Variants in DMD observed in about 807,000 individuals in gnomAD.
The protein encoded by DMD is mutant dystrophin.
In DMD, 63 loss-of-function variants were observed where a neutral mutation model predicts 330.1. The observed-to-expected ratio is 0.19, with a 90% CI of 0.16 to 0.24. DMD has a LOEUF of 0.24. Among genes scored for constraint, DMD ranks in the 10% least tolerant of loss-of-function variants. The pLI is 1.00. For missense variants in DMD, 3,344 were observed against 2,684.1 expected, an observed-to-expected ratio of 1.25 and a Z score of -5.43; for synonymous variants, 1,223 against 959.8, an observed-to-expected ratio of 1.27 and a Z score of -5.07.
At chrX:32,785,136 C>T (rs1253924842) in intron 7 of DMD, among the ~76,000 whole-genome samples, 1 of 108,830 alleles carries the variant, frequency 9.2e-6, no homozygotes, top group Non-Finnish European at 1.9e-5. Flanking sequence ...GTGGTCAAAT[C>T]AACCCATTGG....
chrX:32,608,293 C>T (rs189127379), intron 12 of DMD, among the ~76,000 whole-genome samples: 1 of 110,273 alleles, frequency 9.1e-6, no homozygotes, highest in East Asian at 2.8e-4. Context: ...TATTAGATGT[C>T]TTCTCAATTC....
intron 1 of DMD, among the ~76,000 whole-genome samples, chrX:33,268,602 A>G (rs1429495644): frequency 1.8e-5 from 2 of 111,979 alleles, no homozygotes; most frequent in African/African-American, 6.5e-5. Flanking sequence ...ATGAGATACC[A>G]TCTCACACCA....
chrX:31,751,050 T>C (rs999297271), intron 51 of DMD, among the ~76,000 whole-genome samples: 2 of 108,562 alleles, frequency 1.8e-5, no homozygotes, highest in African/African-American at 6.7e-5. Context: ...AGAATCAATA[T>C]CGTGTAAATG....
Position 32,065,200 on chromosome X carries a change from C to T in DMD, c.6439-96686G>A, listed in dbSNP as rs150311100. 5.3e-3 allele frequency among the ~76,000 whole-genome samples: 591 copies of T among 111,320 alleles called. 3 individuals are homozygous for T. The highest frequency in any genetic ancestry group is 8.2e-3 in the Non-Finnish European group (434 of 52,771). ...CTTGAGAAGTTGAGCTGATTGTCTA[C>T]GTAATAAATCACACCACAGGAACAT... On this transcript the variant is annotated intron_variant, in intron 44 of 78. Coordinates refer to ENST00000357033, the MANE Select transcript of DMD (RefSeq NM_004006.3).
intron 20 of DMD, among the ~76,000 whole-genome samples, chrX:32,485,510 C>T (rs2042336370): frequency 9.1e-6 from 1 of 109,960 alleles, no homozygotes; most frequent in Non-Finnish European, 1.9e-5. Flanking sequence ...TTTTCTCTTT[C>T]ATTTCTGCAA....
chrX:32,564,172 C>T (rs2051404710), intron 16 of DMD, among the ~76,000 whole-genome samples: 1 of 111,795 alleles, frequency 8.9e-6, no homozygotes, highest in African/African-American at 3.3e-5. Flanking sequence ...TTTTAATTAG[C>T]TCCTCAGGTG....
intron 2 of DMD, among the ~76,000 whole-genome samples, chrX:32,914,689 A>G: frequency 8.9e-6 from 1 of 112,741 alleles, no homozygotes; most frequent in African/African-American, 3.2e-5. Context: ...ATGGACAGTT[A>G]ACCTGATTAC....
chrX:32,728,068 G>A (rs983769791), intron 7 of DMD, among the ~76,000 whole-genome samples: 1 of 111,476 alleles, frequency 9.0e-6, no homozygotes, highest in African/African-American at 3.3e-5. Flanking sequence ...CAGTTAGGCA[G>A]GGATTGTTAC....
At chrX:32,779,549 T>G (rs1449696712) in intron 7 of DMD, among the ~76,000 whole-genome samples, 3 of 109,753 alleles carry the variant, frequency 2.7e-5, no homozygotes, top group Non-Finnish European at 5.7e-5. Context: ...GTCCATGTGT[T>G]CTCATTGTTC....
chrX:32,055,436 A>G (rs1229165399), intron 44 of DMD, among the ~76,000 whole-genome samples: 1 of 111,958 alleles, frequency 8.9e-6, no homozygotes, highest in Non-Finnish European at 1.9e-5. Context: ...GATAGGAGAA[A>G]TAAGTTCTAG....
chrX:32,701,744 A>G (rs1025119663), intron 7 of DMD, among the ~76,000 whole-genome samples: 2 of 111,709 alleles, frequency 1.8e-5, no homozygotes, highest in Non-Finnish European at 3.8e-5. Context: ...ACATGCATGT[A>G]TGTTTGGTCT....
chrX:31,617,820 A>C (rs1569555047), intron 55 of DMD, among the ~76,000 whole-genome samples: 3 of 111,799 alleles, frequency 2.7e-5, no homozygotes, highest in Admixed American at 1.9e-4. Context: ...CATGGAATCA[A>C]CCTAAATGCC....
intron 2 of DMD, among the ~76,000 whole-genome samples, chrX:32,909,285 C>T (rs1261927060): frequency 9.0e-6 from 1 of 110,912 alleles, no homozygotes; most frequent in Non-Finnish European, 1.9e-5. Flanking sequence ...AGAAACTCTA[C>T]TGGATAATCA....
chrX:31,158,820 C>T (rs1476269930), intron 74 of DMD, among the ~76,000 whole-genome samples: 1 of 111,741 alleles, frequency 8.9e-6, no homozygotes, highest in African/African-American at 3.3e-5. Flanking sequence ...AAATGGTATG[C>T]ACATGTCTTC....
chrX:32,785,796 T>A (rs1405298731), intron 7 of DMD, among the ~76,000 whole-genome samples: 1 of 111,839 alleles, frequency 8.9e-6, no homozygotes, highest in Non-Finnish European at 1.9e-5. Flanking sequence ...TATTTATTTT[T>A]ATCCAGGAGC....
chrX:31,798,717 T>TA (rs2091937698), intron 50 of DMD, among the ~76,000 whole-genome samples: 1 of 111,166 alleles, frequency 9.0e-6, no homozygotes, highest in South Asian at 3.8e-4. Context: ...TATATTGTGA[T>TA]ATAGAAAAGA....
intron 44 of DMD, among the ~76,000 whole-genome samples, chrX:32,020,770 T>C (rs913335619): frequency 8.9e-6 from 1 of 112,611 alleles, no homozygotes; most frequent in Non-Finnish European, 1.9e-5. Flanking sequence ...GAAATTTTTA[T>C]ATACAAACAA....
intron 44 of DMD, among the ~76,000 whole-genome samples, chrX:32,136,544 A>G (rs1000586406): frequency 9.0e-5 from 8 of 89,292 alleles, no homozygotes; most frequent in Non-Finnish European, 1.5e-4. Context: ...TGAACAAGCA[A>G]CAGAGATTAA....
At chrX:31,442,455 A>T (rs775591060) in intron 60 of DMD, among the ~76,000 whole-genome samples, 1 of 111,460 alleles carries the variant, frequency 9.0e-6, no homozygotes, top group East Asian at 2.8e-4. Flanking sequence ...TACTCATTGT[A>T]AAGAATGGCT....
Sources: gnomAD v4.1 joint callset for allele counts (sites outside exome capture counted in the v4.1 genomes callset) on GRCh38, gnomAD v4.1.1 for gene constraint, MANE v1.5 for transcripts, NCBI Gene and HGNC (gene_info 2026-07-23, HGNC 2026-07-21) for gene names.